Variants in KCNN2 observed in about 807,000 individuals in gnomAD.
KCNN2 encodes small conductance calcium-activated potassium channel protein 2.
In KCNN2, 24 loss-of-function variants were observed where a neutral mutation model predicts 55.5. The ratio of observed to expected loss-of-function variants is 0.43; its 90% CI spans 0.31 to 0.61. The LOEUF (loss-of-function observed/expected upper bound fraction) is 0.61, where lower values mean the gene tolerates loss of function less well. Among genes scored for constraint, KCNN2 ranks in the 20% least tolerant of loss-of-function variants. KCNN2 has a pLI of 0.08. For synonymous variants in KCNN2, 431 were observed against 336.1 expected (o/e 1.28, Z -3.09); for missense variants, 754 against 853.6 (o/e 0.88, Z 1.45).
intron 1 of KCNN2, among the ~76,000 whole-genome samples, chr5:114,065,054 A>G (rs1038584): frequency 0.14 from 21,027 of 152,154 alleles, 1,555 homozygotes; most frequent in Middle Eastern, 0.17. Flanking sequence ...CTACTGTTAA[A>G]TAACAAGCTG....
intron 1 of KCNN2, among the ~76,000 whole-genome samples, chr5:114,092,219 G>A (rs1175039635): frequency 1.3e-5 from 2 of 152,164 alleles, no homozygotes; most frequent in African/African-American, 4.8e-5. Context: ...TAACAAAGGG[G>A]CTACAGGTCC....
At chr5:114,361,708 C>G (rs1193927382), upstream of KCNN2, among the ~76,000 whole-genome samples, 2 of 152,180 alleles carry the variant, frequency 1.3e-5, no homozygotes, top group African/African-American at 4.8e-5. Flanking sequence ...GGCAGCGCGT[C>G]CGGCACTAGT....
chr5:114,190,158 T>G (rs557426521), intron 1 of KCNN2, among the ~76,000 whole-genome samples: 1 of 152,194 alleles, frequency 6.6e-6, no homozygotes, highest in South Asian at 2.1e-4. Context: ...TGCTAATCAC[T>G]TCGACATATC....
intron 3 of KCNN2, among the ~76,000 whole-genome samples, chr5:114,411,981 G>C (rs1396647172): frequency 6.6e-6 from 1 of 152,100 alleles, no homozygotes; most frequent in Admixed American, 6.6e-5. Flanking sequence ...ATATAAAATA[G>C]CTGCTTTTAG....
chr5:114,110,138 A>G (rs1751566229), intron 1 of KCNN2, among the ~76,000 whole-genome samples: 1 of 152,090 alleles, frequency 6.6e-6, no homozygotes, highest in South Asian at 2.1e-4. Flanking sequence ...CAGACTTTCC[A>G]GCCTCAGGAA....
intron 2 of KCNN2, among the ~76,000 whole-genome samples, chr5:114,344,811 T>A (rs890176091): frequency 6.6e-6 from 1 of 152,210 alleles, no homozygotes; most frequent in African/African-American, 2.4e-5. Flanking sequence ...GAAACTCAGA[T>A]TATAAACTGC....
intron 1 of KCNN2, among the ~76,000 whole-genome samples, chr5:114,186,209 A>G (rs887613658): frequency 6.6e-6 from 1 of 152,166 alleles, no homozygotes; most frequent in Non-Finnish European, 1.5e-5. Context: ...ATTTGTAAAC[A>G]TTTTTTGGCT....
intron 2 of KCNN2, among the ~76,000 whole-genome samples, chr5:114,294,038 A>G (rs913884847): frequency 4.0e-5 from 6 of 151,898 alleles, no homozygotes; most frequent in African/African-American, 1.5e-4. Flanking sequence ...CGGTGGTGAT[A>G]TCCCCTTTAT....
chr5:114,254,756 A>C (rs1012050486), intron 2 of KCNN2, among the ~76,000 whole-genome samples: 3 of 152,140 alleles, frequency 2.0e-5, no homozygotes, highest in African/African-American at 7.2e-5. Flanking sequence ...GCCTATGCTT[A>C]TTCTTATATT....
intron 2 of KCNN2, among the ~76,000 whole-genome samples, chr5:114,366,145 CAT>C (rs960155352): frequency 8.5e-5 from 13 of 152,118 alleles, no homozygotes; most frequent in African/African-American, 3.1e-4. Context: ...GCATTCCACT[CAT>C]TGGCTAATTT....
chr5:114,257,255 AC>A (rs1755002192), intron 2 of KCNN2, among the ~76,000 whole-genome samples: 3 of 151,992 alleles, frequency 2.0e-5, no homozygotes, highest in Admixed American at 6.6e-5. Flanking sequence ...TGTTTTGGTT[AC>A]TACACCCTGT....
intron 1 of KCNN2, among the ~76,000 whole-genome samples, chr5:114,142,679 A>G (rs954176027): frequency 5.3e-5 from 8 of 152,178 alleles, no homozygotes; most frequent in Non-Finnish European, 8.8e-5. Context: ...GACCTCTTCA[A>G]GGAGAACTAC....
chr5:114,461,743 A>G (rs1376363860), intron 3 of KCNN2, among the ~76,000 whole-genome samples: 2 of 151,278 alleles, frequency 1.3e-5, no homozygotes, highest in Admixed American at 1.3e-4. Flanking sequence ...AAAAAAAAAA[A>G]GCATAGCGAA....
chr5:114,161,478 T>C (rs1752780747), intron 1 of KCNN2, among the ~76,000 whole-genome samples: 1 of 151,454 alleles, frequency 6.6e-6, no homozygotes, highest in Admixed American at 6.6e-5. Context: ...CAATTATGTG[T>C]CTTGGAGTTG....
chr5:114,496,393 A>C lies in KCNN2; in HGVS notation c.*211A>C. ...CAGGGAATGCACCTATTATTGCTAT[A>C]TAGATTGTTCCTCCTGTAATTTCAC... On this transcript the variant is annotated 3_prime_UTR_variant, in exon 8 of 8. Transcript: ENST00000673685. The C allele has an allele frequency of 2.0e-6, 1 of 510,802 alleles. No homozygotes were observed. Among genetic ancestry groups the C allele is most frequent in the Non-Finnish European group, 3.4e-6 (1 of 293,336 alleles). 31.6% of individuals were successfully genotyped at this position (510,802 alleles called of 1,614,324 possible).
At chr5:114,324,125 T>A (rs1756671312) in intron 2 of KCNN2, among the ~76,000 whole-genome samples, 1 of 152,214 alleles carries the variant, frequency 6.6e-6, no homozygotes. Context: ...TGACCATTTT[T>A]TTGTCATCTT....
At position 114,487,104 on chromosome 5, in the gene KCNN2, A is replaced by G. The variant is rs1374311423; in HGVS notation, c.1945A>G (p.Thr649Ala). 1 of 1,613,088 alleles carries G rather than the reference A, an allele frequency of 6.2e-7. No homozygotes were observed. The highest frequency in any genetic ancestry group is 8.5e-7 in the Non-Finnish European group (1 of 1,179,252). The change falls in exon 6 of 8, where the codon ACA (threonine) becomes GCA (alanine). Residue 649 changes from threonine to alanine, a missense_variant. Thr to Ala is a moderately conservative substitution (Grantham distance 58, BLOSUM62 0). Around this residue, in one of 4 missense-constraint regions of KCNN2, gnomAD observed 86 missense variants for 233.0 expected, o/e 0.37. Coordinates refer to ENST00000673685, the MANE Select transcript of KCNN2 (RefSeq NM_021614.4). The stretch of plus-strand genomic sequence containing the variant: ...GGAAACATGGCTAATTTACAAAAAT[A>G]CAAAGCTAGTGAAAAAGATAGATCA... ...LRETWLIYKN[T>A]KLVKKIDHAK...
intron 3 of KCNN2, among the ~76,000 whole-genome samples, chr5:114,449,933 C>G (rs1390854363): frequency 1.3e-5 from 2 of 151,894 alleles, no homozygotes; most frequent in Non-Finnish European, 2.9e-5. Context: ...TGCGCGCACT[C>G]TTCCCTTAGA....
chr5:114,420,655 T>A (rs1580814072), intron 3 of KCNN2, among the ~76,000 whole-genome samples: 1 of 152,382 alleles, frequency 6.6e-6, no homozygotes, highest in African/African-American at 2.4e-5. Flanking sequence ...ATAATTTGTC[T>A]AAGATACCAG....
Sources: allele counts gnomAD v4.1 joint callset (sites outside exome capture counted in the v4.1 genomes callset), GRCh38; gene constraint gnomAD v4.1.1; regional missense constraint gnomAD v4.1.1; transcripts MANE v1.5; gene names NCBI Gene and HGNC (gene_info 2026-07-23, HGNC 2026-07-21).